CELF5: variants seen among roughly 807,000 people sequenced by gnomAD.
CELF5 encodes CUG-BP and ETR-3 like factor 5.
In CELF5, 6 loss-of-function variants were observed where a neutral mutation model predicts 54.9. The observed-to-expected ratio is 0.11, with a 90% confidence interval of 0.06 to 0.22. CELF5 has a LOEUF of 0.22. CELF5 is among the 10% of genes least tolerant of loss of function. The probability of loss-of-function intolerance (pLI) is 1.00; values close to 1 mark genes in which losing one functional copy is unlikely to be tolerated. For synonymous variants in CELF5, 271 were observed against 290.9 expected (o/e 0.93, Z 0.70); for missense variants, 401 against 678.6 (o/e 0.59, Z 4.54).
intron 4 of CELF5, among the ~76,000 whole-genome samples, chr19:3,276,776 A>G (rs536989527): frequency 7.1e-6 from 1 of 139,974 alleles, no homozygotes; most frequent in East Asian, 2.1e-4. Flanking sequence ...ATGCAGGGGC[A>G]GTACCTTGGG....
chr19:3,276,765 G>T (rs574392100), intron 4 of CELF5, among the ~76,000 whole-genome samples: 3 of 151,326 alleles, frequency 2.0e-5, no homozygotes, highest in Non-Finnish European at 4.4e-5. Flanking sequence ...TATGGATGGG[G>T]ATGCAGGGGC....
At chr19:3,257,182 C>T (rs187625025) in intron 2 of CELF5, among the ~76,000 whole-genome samples, 1 of 152,252 alleles carries the variant, frequency 6.6e-6, no homozygotes, top group African/African-American at 2.4e-5. Context: ...AGGAGGAAGC[C>T]GTGCACTCTC....
chr19:3,276,430 A>G (rs1181448053), intron 4 of CELF5, among the ~76,000 whole-genome samples: 1 of 141,722 alleles, frequency 7.1e-6, no homozygotes, highest in Non-Finnish European at 1.5e-5. Context: ...TAGGGGAGGT[A>G]CTGCAGGGAG....
chr19:3,239,077 T>C (rs571442054), intron 1 of CELF5, among the ~76,000 whole-genome samples: 1 of 152,250 alleles, frequency 6.6e-6, no homozygotes, highest in African/African-American at 2.4e-5. Flanking sequence ...AGAGTGGCTA[T>C]ATCTTTTTTA....
intron 2 of CELF5, among the ~76,000 whole-genome samples, chr19:3,271,743 C>G (rs1319484342): frequency 6.6e-6 from 1 of 151,786 alleles, no homozygotes; most frequent in Admixed American, 6.6e-5. Context: ...CCAGAGGGGT[C>G]TCTGAGGAGG....
chr19:3,281,069 T>G lies in CELF5; in HGVS notation c.604-130T>G. The G allele has an allele frequency of 1.8e-6, 2 of 1,129,120 alleles. No homozygotes were observed. The highest frequency in any genetic ancestry group is 4.1e-5 in the Admixed American group (2 of 49,100). 69.9% of individuals were successfully genotyped at this position (1,129,120 alleles called of 1,614,324 possible). On this transcript the variant is annotated intron_variant, in intron 5 of 12. Coordinates refer to ENST00000292672, the MANE Select transcript of CELF5 (RefSeq NM_021938.4). This position sits in a 1 kb window ranked among gnomAD's most constrained non-coding sequence, Gnocchi z 6.5. ...CCCTGGCTCCTGGGGTGGGGGCCCG[T>G]GGACATGGCTGACAGCCACTGGCAT...
chr19:3,293,123 A>C (rs1257935214), intron 11 of CELF5, among the ~76,000 whole-genome samples, 196 bp from the exon 12 acceptor site: 1 of 152,106 alleles, frequency 6.6e-6, no homozygotes, highest in African/African-American at 2.4e-5. Context: ...CCCCATCCTC[A>C]GAGGTATACA....
intron 8 of CELF5, among the ~76,000 whole-genome samples, chr19:3,283,377 G>A (rs2080183503): frequency 6.6e-6 from 1 of 152,086 alleles, no homozygotes; most frequent in Non-Finnish European, 1.5e-5. Flanking sequence ...TAGAGACAGT[G>A]TCTCACTGTG....
chr19:3,290,126 G>C, intron 10 of CELF5, 105 bp from the exon 11 acceptor site: 2 of 837,498 alleles, frequency 2.4e-6, no homozygotes, highest in South Asian at 1.6e-5. Flanking sequence ...CCCCTCTCCC[G>C]ACAGCTGGAG....
rs911884779 is a variant in CELF5, at chr19:3,228,503, T to C, written c.259+3505T>C. 6.6e-6 allele frequency among the ~76,000 whole-genome samples: 1 copy of C among 152,150 alleles called. No homozygotes were observed. The highest frequency in any genetic ancestry group is 2.4e-5 in the African/African-American group (1 of 41,422). The stretch of plus-strand genomic sequence containing the variant: ...TGCCAGGGGAAGGTGCCCACGGTGG[T>C]ACTGGTCCGCCGCTGCCACTGGGCC... On this transcript the variant is annotated intron_variant, in intron 1 of 12. Transcript: ENST00000292672. The surrounding 1 kb of genome is among the most constrained non-coding windows in gnomAD (Gnocchi z 6.0).
intron 1 of CELF5, among the ~76,000 whole-genome samples, chr19:3,243,960 G>T (rs968102088): frequency 1.3e-5 from 2 of 152,018 alleles, no homozygotes; most frequent in Non-Finnish European, 2.9e-5. Context: ...AATTCCATCT[G>T]CAATGACCCC....
intron 11 of CELF5, among the ~76,000 whole-genome samples, chr19:3,291,699 T>C (rs1222487400): frequency 2.1e-5 from 3 of 143,740 alleles, no homozygotes; most frequent in Non-Finnish European, 4.5e-5. Context: ...GCGCCTGACA[T>C]GTTGGAGGAG....
Position 3,236,933 on chromosome 19 carries a change from G to A in CELF5, c.259+11935G>A, listed in dbSNP as rs543332029. On this transcript the variant is annotated intron_variant, in intron 1 of 12. Coordinates refer to ENST00000292672, the MANE Select transcript of CELF5 (RefSeq NM_021938.4). ...GAACCCGGGAGGCGGAGATTGCAGT[G>A]AGCTGAGATCGCGCCACTGCACTCC... Among the ~76,000 whole-genome samples the A allele has an allele frequency of 9.3e-5, 14 of 150,642 alleles. 2 individuals are homozygous for A. The South Asian group carries it at 2.9e-3, about 32-fold the overall frequency.
chr19:3,230,709 C>T lies in CELF5; in HGVS notation c.259+5711C>T, dbSNP rs1917214515. On this transcript the variant is annotated intron_variant, in intron 1 of 12. Coordinates refer to ENST00000292672, the MANE Select transcript of CELF5 (RefSeq NM_021938.4). ...ATCCTGTTAACTCCCATTGCCACCA[C>T]CAGCCTCTTCCCAGCCTCCCAGCCT... 2.0e-5 allele frequency among the ~76,000 whole-genome samples: 3 copies of T among 152,356 alleles called. No homozygotes were observed. The South Asian group carries it at 6.2e-4, about 32-fold the overall frequency.
In CELF5 at chr19:3,224,915, A is replaced by C. The variant is rs1190501309; in HGVS notation, c.176A>C (p.Lys59Thr). The C allele has an allele frequency of 6.2e-7, 1 of 1,608,464 alleles. No homozygotes were observed. Among genetic ancestry groups the C allele is most frequent in the South Asian group, 1.1e-5 (1 of 90,250 alleles). ...CAGATCCCGCGGCACCTGGACGAGAAGGACCTCAAGCCGCTCTTCGAGCAG... is the reference window on the plus strand; with the variant it reads ...CAGATCCCGCGGCACCTGGACGAGACGGACCTCAAGCCGCTCTTCGAGCAG... ...VGQIPRHLDE[K>T]DLKPLFEQFG... is the part of the protein sequence containing the mutation. The change falls in exon 1 of 13, where the codon AAG becomes ACG. Residue 59 changes from lysine (K) to threonine (T), a missense_variant. Transcript: ENST00000292672.
chr19:3,234,658 G>C (rs900789304), intron 1 of CELF5, among the ~76,000 whole-genome samples: 4 of 152,028 alleles, frequency 2.6e-5, no homozygotes, highest in Admixed American at 6.6e-5. Flanking sequence ...CAGTGTCCTG[G>C]GGATGAGGCC....
chr19:3,270,349 G>A (rs2079940437), intron 2 of CELF5, among the ~76,000 whole-genome samples: 2 of 152,178 alleles, frequency 1.3e-5, no homozygotes, highest in African/African-American at 2.4e-5. Context: ...AGAGAAGGTG[G>A]AGGAGGGAGG....
chr19:3,289,962 G>T (rs1198748251), intron 10 of CELF5, among the ~76,000 whole-genome samples: 1 of 152,062 alleles, frequency 6.6e-6, no homozygotes. Context: ...GGGAGCAGGG[G>T]ATCCCCTGGG....
Position 3,281,229 on chromosome 19 carries a change from G to A in CELF5, c.634G>A (p.Ala212Thr), listed in dbSNP as rs1298581151. 6.2e-7 allele frequency: 1 copy of A among 1,609,240 alleles called. No individual in the cohort carries two copies. The highest frequency in any genetic ancestry group is 8.5e-7 in the Non-Finnish European group (1 of 1,179,530). The change falls in exon 6 of 13, where the codon GCC (alanine) becomes ACC (threonine). Residue 212 changes from alanine (A) to threonine (T), a missense_variant. By Grantham distance (58) the Ala-to-Thr change is moderately conservative (BLOSUM62 0). Transcript: ENST00000292672. The surrounding 1 kb of genome is among the most constrained non-coding windows in gnomAD (Gnocchi z 6.5). ...GASSSLVVKFADTDKERTLRR... is the reference protein window; with the variant it reads ...GASSSLVVKFTDTDKERTLRR... ...CTCCTCCAGCCTGGTGGTCAAGTTC[G>A]CCGACACGGACAAGGAGCGGACGCT...
Sources: allele counts gnomAD v4.1 joint callset (sites outside exome capture counted in the v4.1 genomes callset), GRCh38; gene constraint gnomAD v4.1.1; non-coding constraint Gnocchi (gnomAD v3.1); transcripts MANE v1.5; gene names NCBI Gene and HGNC (gene_info 2026-07-23, HGNC 2026-07-21).